Variants in ATP8B4 observed in about 807,000 individuals in gnomAD.
ATP8B4 encodes probable phospholipid-transporting ATPase IM.
Under a neutral mutation model 145.6 loss-of-function variants are expected in ATP8B4, and 133 were observed. The ratio of observed to expected loss-of-function variants is 0.91; its 90% CI spans 0.79 to 1.05. The LOEUF is 1.05. Among genes scored for constraint, ATP8B4 ranks in the 50% least tolerant of loss-of-function variants. The pLI, the probability that ATP8B4 is intolerant of heterozygous loss-of-function variation, is 0.00. For synonymous variants in ATP8B4, 507 were observed against 492.9 expected (o/e 1.03, Z -0.38); for missense variants, 1,458 against 1,425.2 (o/e 1.02, Z -0.37).
chr15:50,115,597 C>T (rs979087669), intron 1 of ATP8B4, among the ~76,000 whole-genome samples: 2 of 151,766 alleles, frequency 1.3e-5, no homozygotes, highest in South Asian at 2.1e-4. Flanking sequence ...GGAAGGTTTG[C>T]GGAGCAGTGA....
intron 13 of ATP8B4, among the ~76,000 whole-genome samples, chr15:49,972,175 G>A (rs1000860117): frequency 8.7e-4 from 133 of 152,218 alleles, no homozygotes; most frequent in African/African-American, 2.9e-3. Context: ...TAATGTAGAC[G>A]ACGGGTTGAT....
intron 1 of ATP8B4, among the ~76,000 whole-genome samples, chr15:50,161,064 C>T (rs1322901927): frequency 6.6e-6 from 1 of 152,038 alleles, no homozygotes; most frequent in Non-Finnish European, 1.5e-5. Flanking sequence ...GTGGTGGGTG[C>T]ATATATACTT....
intron 22 of ATP8B4, 48 bp downstream of exon 22, chr15:49,898,020 G>A: frequency 6.3e-7 from 1 of 1,589,384 alleles, no homozygotes; most frequent in Non-Finnish European, 8.6e-7. Flanking sequence ...TGCTGAAACT[G>A]AGGACCCCAT....
At chr15:50,081,566 A>C (rs1295250482) in intron 2 of ATP8B4, among the ~76,000 whole-genome samples, 1 of 152,224 alleles carries the variant, frequency 6.6e-6, no homozygotes, top group Non-Finnish European at 1.5e-5. Context: ...TAAATTATAC[A>C]TTATCCAACT....
chr15:50,146,574 T>C (rs567717021), intron 1 of ATP8B4, among the ~76,000 whole-genome samples: 4 of 152,358 alleles, frequency 2.6e-5, no homozygotes, highest in Middle Eastern at 3.4e-3. Flanking sequence ...GTAGTAATTC[T>C]GAAACTACTT....
chr15:50,048,703 G>A (rs1229473479), intron 3 of ATP8B4, among the ~76,000 whole-genome samples: 97 of 143,200 alleles, frequency 6.8e-4, no homozygotes, highest in African/African-American at 2.3e-3. Context: ...GCAAGACTCT[G>A]CCAAAAAAAA....
At chr15:50,054,811 A>C (rs1374735773) in intron 3 of ATP8B4, among the ~76,000 whole-genome samples, 1 of 110,764 alleles carries the variant, frequency 9.0e-6, no homozygotes, top group Non-Finnish European at 1.8e-5. Flanking sequence ...AAAAAAAAAC[A>C]AAAAAAAAAA....
intron 25 of ATP8B4, among the ~76,000 whole-genome samples, chr15:49,874,284 G>A (rs1045671311): frequency 3.3e-5 from 5 of 152,180 alleles, no homozygotes; most frequent in Admixed American, 6.5e-5. Context: ...AGAAAATAAA[G>A]GGGCCTTAGT....
At chr15:49,861,935 T>C (rs1012670385) in intron 27 of ATP8B4, among the ~76,000 whole-genome samples, 2 of 152,208 alleles carry the variant, frequency 1.3e-5, no homozygotes, top group African/African-American at 2.4e-5. Context: ...TGCCTTTCCC[T>C]TGGAAAAATT....
intron 20 of ATP8B4, chr15:49,901,814 T>C (rs2038070261): frequency 2.4e-6 from 1 of 424,668 alleles, no homozygotes; most frequent in Admixed American, 2.9e-5. Context: ...TATAATAGGA[T>C]AGAACATTTT....
chr15:49,990,674 G>A (rs1420716431), intron 9 of ATP8B4, among the ~76,000 whole-genome samples: 1 of 152,042 alleles, frequency 6.6e-6, no homozygotes, highest in Non-Finnish European at 1.5e-5. Context: ...ACCTCAAAGT[G>A]AAAGTCTGTA....
chr15:50,038,970 A>G, intron 5 of ATP8B4, 141 bp from the exon 6 acceptor site: 1 of 675,834 alleles, frequency 1.5e-6, no homozygotes, highest in Middle Eastern at 2.5e-4. Context: ...GCTTCCTGTG[A>G]ACCCAGCTCT....
intron 6 of ATP8B4, among the ~76,000 whole-genome samples, chr15:50,033,018 A>G (rs1323726559): frequency 6.6e-6 from 1 of 152,234 alleles, no homozygotes; most frequent in African/African-American, 2.4e-5. Flanking sequence ...TCATCACTCA[A>G]ACTAGAAAAG....
intron 9 of ATP8B4, among the ~76,000 whole-genome samples, chr15:49,988,019 G>A (rs919855517): frequency 6.6e-6 from 1 of 152,160 alleles, no homozygotes; most frequent in African/African-American, 2.4e-5. Flanking sequence ...GGATTTCTGA[G>A]GTCCTACTGT....
intron 23 of ATP8B4, among the ~76,000 whole-genome samples, chr15:49,890,250 G>A (rs12905883): frequency 0.052 from 7,877 of 152,274 alleles, 303 homozygotes; most frequent in Non-Finnish European, 0.078. Context: ...ATGTGTGAGA[G>A]TCTCACTGCT....
chr15:49,968,193 G>GAC (rs2044731401), intron 13 of ATP8B4, among the ~76,000 whole-genome samples: 2 of 152,302 alleles, frequency 1.3e-5, no homozygotes, highest in East Asian at 3.9e-4. Flanking sequence ...AAAGACCATT[G>GAC]ACACTATGAA....
At position 49,934,000 on chromosome 15, in the gene ATP8B4, CAT is replaced by C; in HGVS notation, c.1453+15_1453+16del. 1.3e-6 allele frequency: 2 copies of C among 1,529,868 alleles called. No individual in the cohort carries two copies. The highest frequency in any genetic ancestry group is 2.6e-5 in the South Asian group (2 of 76,550). The allele number at this position is 1,529,868 out of a possible 1,614,324, so 94.8% of individuals were successfully genotyped here. On this transcript the variant is annotated intron_variant, in intron 15 of 27. Transcript: ENST00000284509. Reference sequence around the variant, plus strand: ...ACAAAAACAAGGTTCACCACTCAGACATAACTTTTCACTTACCTGCGCTATTC... The same window carrying C: ...ACAAAAACAAGGTTCACCACTCAGACAACTTTTCACTTACCTGCGCTATTC...
At chr15:49,979,269 C>T (rs1167663254) in intron 12 of ATP8B4, among the ~76,000 whole-genome samples, 1 of 152,110 alleles carries the variant, frequency 6.6e-6, no homozygotes, top group Non-Finnish European at 1.5e-5. Context: ...GGCAAAGAGG[C>T]ACCCTCTCTA....
intron 26 of ATP8B4, among the ~76,000 whole-genome samples, chr15:49,865,014 T>G (rs1055014155): frequency 7.2e-5 from 11 of 152,218 alleles, no homozygotes; most frequent in African/African-American, 2.4e-4. Flanking sequence ...TATTTGTTAA[T>G]GAGTTGACTG....
Sources: allele counts gnomAD v4.1 joint callset (sites outside exome capture counted in the v4.1 genomes callset), GRCh38; gene constraint gnomAD v4.1.1; transcripts MANE v1.5; gene names NCBI Gene and HGNC (gene_info 2026-07-23, HGNC 2026-07-21).